EIF4G3: variants seen among roughly 807,000 people sequenced by gnomAD.
EIF4G3 encodes eIF-4-gamma 3.
A neutral mutation model predicts 186.4 loss-of-function variants in EIF4G3; 34 were observed. That is an observed-to-expected ratio of 0.18 (90% CI 0.14 to 0.24). The LOEUF (loss-of-function observed/expected upper bound fraction) is 0.24, where lower values mean the gene tolerates loss of function less well. Among genes scored for constraint, EIF4G3 ranks in the 10% least tolerant of loss-of-function variants. The pLI is 1.00. For missense variants in EIF4G3, 1,536 were observed against 1,948.5 expected, an observed-to-expected ratio of 0.79 and a Z score of 3.99; for synonymous variants, 673 against 679.5, an observed-to-expected ratio of 0.99 and a Z score of 0.15.
chr1:21,032,529 T>C (rs899658479), intron 4 of EIF4G3, among the ~76,000 whole-genome samples: 6 of 152,212 alleles, frequency 3.9e-5, no homozygotes, highest in Non-Finnish European at 5.9e-5. Flanking sequence ...TATTGTTTTA[T>C]TTGATTTAGT....
At chr1:20,956,336 G>A (rs1018826619) in intron 12 of EIF4G3, among the ~76,000 whole-genome samples, 3 of 152,082 alleles carry the variant, frequency 2.0e-5, no homozygotes, top group Non-Finnish European at 4.4e-5. Flanking sequence ...GTGGGGAAAC[G>A]GTGTGATATG....
intron 3 of EIF4G3, among the ~76,000 whole-genome samples, chr1:21,053,855 AGCCCCCCGCCCG>A (rs2094431271): frequency 6.9e-6 from 1 of 145,878 alleles, no homozygotes; most frequent in African/African-American, 2.6e-5. Context: ...TGGGGGGGTC[AGCCCCCCGCCCG>A]GCCAGCCGCC....
At chr1:21,157,304 C>T (rs1033105896) in intron 2 of EIF4G3, among the ~76,000 whole-genome samples, 2 of 152,058 alleles carry the variant, frequency 1.3e-5, no homozygotes, top group South Asian at 4.2e-4. Context: ...CTAGTCCTCA[C>T]TGACTTTCAA....
chr1:20,869,266 A>C (rs2078425273), intron 20 of EIF4G3, among the ~76,000 whole-genome samples: 1 of 151,606 alleles, frequency 6.6e-6, no homozygotes, highest in Non-Finnish European at 1.5e-5. Flanking sequence ...CTCTGTGCTA[A>C]CTCTAAAACT....
intron 2 of EIF4G3, among the ~76,000 whole-genome samples, chr1:21,126,550 C>T (rs543791666): frequency 2.6e-5 from 4 of 151,942 alleles, no homozygotes; most frequent in South Asian, 2.1e-4. Context: ...CAGCTACTCC[C>T]GAGAATGGCA....
intron 3 of EIF4G3, among the ~76,000 whole-genome samples, chr1:21,067,174 C>A (rs1169082550): frequency 1.4e-5 from 2 of 145,580 alleles, no homozygotes; most frequent in East Asian, 4.0e-4. Context: ...TTCTTATCAC[C>A]TAGGGTGGAT....
At chr1:21,029,522 CA>C (rs1045621042) in intron 4 of EIF4G3, among the ~76,000 whole-genome samples, 8 of 151,858 alleles carry the variant, frequency 5.3e-5, no homozygotes, top group African/African-American at 1.9e-4. Flanking sequence ...GTAATCCTAA[CA>C]CTTTGGGAGG....
intron 9 of EIF4G3, 148 bp downstream of exon 9, chr1:20,980,900 C>A: frequency 1.8e-6 from 1 of 564,774 alleles, no homozygotes. Flanking sequence ...AATGAAAAAT[C>A]ACAAAAGGGC....
intron 12 of EIF4G3, among the ~76,000 whole-genome samples, chr1:20,963,514 T>C (rs937880590): frequency 1.3e-5 from 2 of 152,274 alleles, no homozygotes; most frequent in East Asian, 3.9e-4. Context: ...AGATACGCTA[T>C]CAATCCATAA....
intron 2 of EIF4G3, among the ~76,000 whole-genome samples, chr1:21,146,958 G>C (rs928242117): frequency 2.6e-5 from 4 of 152,004 alleles, no homozygotes; most frequent in African/African-American, 9.7e-5. Context: ...TAAAGATATA[G>C]TTGTTTCAGA....
At chr1:21,045,330 G>A (rs766133989) in intron 4 of EIF4G3, among the ~76,000 whole-genome samples, 1 of 152,126 alleles carries the variant, frequency 6.6e-6, no homozygotes, top group African/African-American at 2.4e-5. Context: ...TAAGCATCAC[G>A]ATCAAGCAAT....
chr1:20,884,908 G>A (rs2083596883), intron 19 of EIF4G3, among the ~76,000 whole-genome samples: 1 of 152,224 alleles, frequency 6.6e-6, no homozygotes, highest in African/African-American at 2.4e-5. Flanking sequence ...TTTTTCCACA[G>A]ACCAGGGTTG....
At chr1:21,006,753 T>G (rs1241650551) in intron 4 of EIF4G3, among the ~76,000 whole-genome samples, 3 of 152,156 alleles carry the variant, frequency 2.0e-5, no homozygotes, top group Non-Finnish European at 4.4e-5. Context: ...AATTCCATTA[T>G]AAGACAAAAC....
intron 20 of EIF4G3, among the ~76,000 whole-genome samples, chr1:20,869,850 A>G (rs1011598607): frequency 6.6e-6 from 1 of 151,998 alleles, no homozygotes; most frequent in Admixed American, 6.6e-5. Context: ...ATAAACCAAC[A>G]TAACTCTCAG....
At chr1:21,173,709 T>C (rs1231460473) in intron 2 of EIF4G3, among the ~76,000 whole-genome samples, 1 of 152,058 alleles carries the variant, frequency 6.6e-6, no homozygotes, top group African/African-American at 2.4e-5. Flanking sequence ...AATAAAACTG[T>C]CTGAACTTAT....
At chr1:21,118,714 A>C (rs1201341668) in intron 2 of EIF4G3, among the ~76,000 whole-genome samples, 2 of 151,568 alleles carry the variant, frequency 1.3e-5, no homozygotes, top group African/African-American at 4.9e-5. Context: ...TGCACTTGGG[A>C]GACAGCGGTT....
chr1:20,914,193 T>C (rs939067579), intron 14 of EIF4G3, among the ~76,000 whole-genome samples: 8 of 151,988 alleles, frequency 5.3e-5, no homozygotes, highest in African/African-American at 1.9e-4. Flanking sequence ...GGCAGAATAA[T>C]GGACCACACC....
chr1:20,829,137 T>C lies in EIF4G3; in HGVS notation c.4187+10A>G. On this transcript the variant is annotated intron_variant, in intron 31 of 36. Transcript: ENST00000602326. ...CCTGATATATATCAAGAGAAACAAG[T>C]ATAACTTACATGGTAAGTTCTCTCA... 6.2e-7 allele frequency: 1 copy of C among 1,612,838 alleles called. No individual in the cohort carries two copies. The highest frequency in any genetic ancestry group is 8.5e-7 in the Non-Finnish European group (1 of 1,179,432).
intron 2 of EIF4G3, among the ~76,000 whole-genome samples, chr1:21,156,803 A>C (rs2097669295): frequency 6.6e-6 from 1 of 152,164 alleles, no homozygotes; most frequent in Non-Finnish European, 1.5e-5. Context: ...GGCCGGGCAC[A>C]GTGGCTCTCA....
Sources: allele counts gnomAD v4.1 joint callset (sites outside exome capture counted in the v4.1 genomes callset), GRCh38; gene constraint gnomAD v4.1.1; transcripts MANE v1.5; gene names NCBI Gene and HGNC (gene_info 2026-07-23, HGNC 2026-07-21).